RAVER2: variants seen among roughly 807,000 people sequenced by gnomAD.
RAVER2 encodes the protein ribonucleoprotein PTB-binding 2.
A neutral mutation model predicts 78.1 loss-of-function variants in RAVER2; 46 were observed. That is an observed-to-expected ratio of 0.59 (90% confidence interval 0.46 to 0.75). RAVER2 has a LOEUF of 0.75. Among genes scored for constraint, RAVER2 ranks in the 30% least tolerant of loss-of-function variants. RAVER2 has a pLI of 0.00. For missense variants in RAVER2, 793 were observed against 837.5 expected, an observed-to-expected ratio of 0.95 and a Z score of 0.66; for synonymous variants, 311 against 313.3, an observed-to-expected ratio of 0.99 and a Z score of 0.08.
At chr1:64,783,324 T>C (rs1652685985) in intron 4 of RAVER2, among the ~76,000 whole-genome samples, 1 of 152,202 alleles carries the variant, frequency 6.6e-6, no homozygotes, top group Non-Finnish European at 1.5e-5. Flanking sequence ...TCCACAATGG[T>C]TGAACTAATT....
chr1:64,774,563 G>A (rs1439831428), intron 2 of RAVER2, among the ~76,000 whole-genome samples: 1 of 152,174 alleles, frequency 6.6e-6, no homozygotes, highest in Non-Finnish European at 1.5e-5. Context: ...GTACCATGCT[G>A]TTTTGGCTAC....
intron 11 of RAVER2, among the ~76,000 whole-genome samples, chr1:64,819,973 T>A (rs186614842): frequency 3.9e-5 from 6 of 152,330 alleles, no homozygotes; most frequent in Admixed American, 3.3e-4. Flanking sequence ...ACTATATATT[T>A]TCTCTTAGTT....
intron 9 of RAVER2, 150 bp downstream of exon 9, chr1:64,807,624 T>C: frequency 1.1e-6 from 1 of 940,546 alleles, no homozygotes; most frequent in Non-Finnish European, 1.5e-6. Context: ...AACATTGCAT[T>C]CTTTTAAAAA....
intron 5 of RAVER2, among the ~76,000 whole-genome samples, chr1:64,791,736 A>G (rs993867410): frequency 6.6e-6 from 1 of 152,196 alleles, no homozygotes; most frequent in African/African-American, 2.4e-5. Context: ...TTCCCAAGGC[A>G]GCCTATTCCC....
At chr1:64,829,014 CTG>C (rs1443545007) in intron 11 of RAVER2, among the ~76,000 whole-genome samples, 1 of 152,152 alleles carries the variant, frequency 6.6e-6, no homozygotes, top group Non-Finnish European at 1.5e-5. Flanking sequence ...CTTTCATTTC[CTG>C]TTCTAATATT....
intron 2 of RAVER2, among the ~76,000 whole-genome samples, chr1:64,773,615 A>G (rs945369590): frequency 1.4e-4 from 22 of 152,298 alleles, no homozygotes; most frequent in Admixed American, 3.3e-4. Flanking sequence ...AGTCTTTGCT[A>G]TTGTAAATAG....
intron 5 of RAVER2, among the ~76,000 whole-genome samples, chr1:64,798,184 T>C (rs1570565784): frequency 7.4e-6 from 1 of 134,936 alleles, no homozygotes; most frequent in East Asian, 2.2e-4. Flanking sequence ...TTTGGTTTTT[T>C]GTTCTTGCGA....
At chr1:64,820,050 AAT>A (rs1423834561) in intron 11 of RAVER2, among the ~76,000 whole-genome samples, 1 of 152,240 alleles carries the variant, frequency 6.6e-6, no homozygotes, top group East Asian at 1.9e-4. Flanking sequence ...ATTTGATAGC[AAT>A]AGTGTAAAGG....
chr1:64,812,735 T>C lies in RAVER2; in HGVS notation c.1681-3T>C. 6.2e-7 allele frequency: 1 copy of C among 1,605,954 alleles called. No individual in the cohort carries two copies. Among genetic ancestry groups the C allele is most frequent in the Non-Finnish European group, 8.5e-7 (1 of 1,175,668 alleles). The stretch of plus-strand genomic sequence containing the variant: ...TACTCCCTCCTTTGTTTTTGTTAAA[T>C]AGGCTGCCTCTAAGAATCAAACTTC... On this transcript the variant is annotated splice_region_variant and splice_polypyrimidine_tract_variant and intron_variant, in intron 9 of 11. Transcript: ENST00000294428.
At chr1:64,788,377 C>A in intron 4 of RAVER2, among the ~76,000 whole-genome samples, 1 of 151,704 alleles carries the variant, frequency 6.6e-6, no homozygotes. Flanking sequence ...GAGGCTGAGG[C>A]AGGAGAATGG....
intron 1 of RAVER2, 136 bp from the exon 2 acceptor site, chr1:64,768,520 G>T: frequency 1.6e-6 from 1 of 639,454 alleles, no homozygotes; most frequent in Non-Finnish European, 2.8e-6. Flanking sequence ...AAGTAATGGG[G>T]ATCCATGAAA....
intron 1 of RAVER2, among the ~76,000 whole-genome samples, chr1:64,763,087 A>C (rs1234074438): frequency 6.6e-6 from 1 of 152,202 alleles, no homozygotes; most frequent in East Asian, 1.9e-4. Flanking sequence ...AGGCGGGCAG[A>C]TCATGAGGTC....
chr1:64,830,956 A>G, exon 12 of RAVER2: 1 of 1,613,664 alleles, frequency 6.2e-7, no homozygotes, highest in Non-Finnish European at 8.5e-7. Context: ...TTACATGGAA[A>G]CTTACTTAAA....
Position 64,807,191 on chromosome 1 carries a change from T to C in RAVER2, c.1412-15T>C. 2.5e-6 allele frequency: 4 copies of C among 1,596,398 alleles called. No individual in the cohort carries two copies. The highest frequency in any genetic ancestry group is 3.4e-6 in the Non-Finnish European group (4 of 1,167,264). ...TTTCTAACTAAAAGCTTTTTGCATTTATGGTTTGCTACAGCATCTAGCCTG... is the reference window on the plus strand; with the variant it reads ...TTTCTAACTAAAAGCTTTTTGCATTCATGGTTTGCTACAGCATCTAGCCTG... On this transcript the variant is annotated splice_polypyrimidine_tract_variant and intron_variant, in intron 8 of 11. Coordinates refer to ENST00000294428, the Ensembl canonical transcript of RAVER2.
At chr1:64,790,452 A>G (rs1033266135) in intron 5 of RAVER2, among the ~76,000 whole-genome samples, 3 of 152,162 alleles carry the variant, frequency 2.0e-5, no homozygotes, top group Non-Finnish European at 4.4e-5. Flanking sequence ...TATTTTCCTT[A>G]ATAATGGCCC....
chr1:64,824,932 CAAAAAAAA>C (rs56179197), intron 11 of RAVER2, among the ~76,000 whole-genome samples: 178 of 79,398 alleles, frequency 2.2e-3, no homozygotes, highest in Middle Eastern at 7.8e-3. Context: ...CCCTGTCTCC[CAAAAAAAA>C]AAAAAAAAAA....
At chr1:64,759,311 C>T (rs1189742495) in intron 1 of RAVER2, among the ~76,000 whole-genome samples, 1 of 151,582 alleles carries the variant, frequency 6.6e-6, no homozygotes, top group Non-Finnish European at 1.5e-5. Context: ...CCTCCGCCTC[C>T]CGGGTTCATG....
Position 64,745,258 on chromosome 1 carries a change from G to C in RAVER2, c.86G>C (p.Arg29Pro). 1 of 1,241,516 alleles carries C rather than the reference G, an allele frequency of 8.1e-7. No homozygotes were observed. The highest frequency in any genetic ancestry group is 1.0e-6 in the Non-Finnish European group (1 of 984,108). The allele number at this position is 1,241,516 out of a possible 1,614,324, so 76.9% of individuals were successfully genotyped here. Residue 29 changes from arginine (R) to proline (P), a missense_variant, in exon 1 of 12, where the codon CGC (arginine) becomes CCC (proline). Arg to Pro is a moderately radical substitution (Grantham distance 103). Coordinates refer to ENST00000294428, the Ensembl canonical transcript of RAVER2. The surrounding 1 kb of genome is among the most constrained non-coding windows in gnomAD (Gnocchi z 4.3). The stretch of plus-strand genomic sequence containing the variant: ...GGGCTGGGGCCGGGGCCGGGGCTGC[G>C]CGGGCAGGGCCCCTCAGCCGAAGCG...
At chr1:64,826,771 C>G (rs1288955951) in intron 11 of RAVER2, among the ~76,000 whole-genome samples, 1 of 152,060 alleles carries the variant, frequency 6.6e-6, no homozygotes, top group Non-Finnish European at 1.5e-5. Flanking sequence ...GTGGTACAAT[C>G]CAAGTAAAAA....
Sources: allele counts gnomAD v4.1 joint callset (sites outside exome capture counted in the v4.1 genomes callset), GRCh38; gene constraint gnomAD v4.1.1; non-coding constraint Gnocchi (gnomAD v3.1); transcripts MANE v1.5; gene names NCBI Gene and HGNC (gene_info 2026-07-23, HGNC 2026-07-21).